ITGB2: variants seen among roughly 807,000 people sequenced by gnomAD.
ITGB2 encodes the protein integrin beta-2.
A neutral mutation model predicts 86.8 loss-of-function variants in ITGB2; 56 were observed. That is an observed-to-expected ratio of 0.65 (90% CI 0.52 to 0.81). ITGB2 has a LOEUF of 0.81. Ranked by LOEUF, ITGB2 falls within the 30% of genes least tolerant of loss-of-function variation. The pLI, the probability that ITGB2 is intolerant of heterozygous loss-of-function variation, is 0.00. For synonymous variants in ITGB2, 457 were observed against 450.4 expected, an observed-to-expected ratio of 1.01 and a Z score of -0.19; for missense variants, 948 against 1,061.2, an observed-to-expected ratio of 0.89 and a Z score of 1.48.
At chr21:44,900,278 G>A (rs1475516197) in intron 7 of ITGB2, 42 bp downstream of exon 7, 1 of 1,613,110 alleles carries the variant, frequency 6.2e-7, no homozygotes, top group East Asian at 2.2e-5. Flanking sequence ...CGTCAGTGGT[G>A]TCCTGCCAGG....
chr21:44,897,610 CTCGGGGTAAGGAAGGGCCTGGGGCG>C (rs1343990378), intron 8 of ITGB2, among the ~76,000 whole-genome samples: 1 of 152,212 alleles, frequency 6.6e-6, no homozygotes, highest in Non-Finnish European at 1.5e-5. Context: ...AAACTGAGGG[CTCGGGGTAAGGAAGGGCCTGGGGCG>C]TCCTGTGGTA....
chr21:44,889,991 G>A lies in ITGB2; in HGVS notation c.1644C>T (p.Val548=), dbSNP rs2146499793. The change falls in exon 12 of 16, where the codon GTC becomes GTT. Residue 548 remains valine, a synonymous_variant. Transcript: ENST00000652462. ...CCACGGGCTCACCCGGGCCGCCGCAGACCTGGCCGTTGTAGCGCTCACAGT... is the reference window on the plus strand; with the variant it reads ...CCACGGGCTCACCCGGGCCGCCGCAAACCTGGCCGTTGTAGCGCTCACAGT... ...TINCERYNGQ[V]CGGPGRGLCF... The A allele has an allele frequency of 5.0e-6, 8 of 1,613,284 alleles. No homozygotes were observed. The highest frequency in any genetic ancestry group is 6.8e-6 in the Non-Finnish European group (8 of 1,180,026).
rs567183378 is a variant in ITGB2 at position 44,895,574 on chromosome 21, G to T, written c.994-514C>A. On this transcript the variant is annotated intron_variant, in intron 8 of 15. Coordinates refer to ENST00000652462, the MANE Select transcript of ITGB2 (RefSeq NM_000211.5). ...AAAAAAACCCAGGCCAGGCATGATGGCTCACGCCTGTGATCCCAGCACTTT... is the reference window on the plus strand; with the variant it reads ...AAAAAAACCCAGGCCAGGCATGATGTCTCACGCCTGTGATCCCAGCACTTT... 3.4e-4 allele frequency among the ~76,000 whole-genome samples: 51 copies of T among 151,542 alleles called. 1 individual carries two copies. In the South Asian group the frequency reaches 1.0e-2, roughly 30 times the overall value.
Position 44,889,513 on chromosome 21 carries a change from A to G in ITGB2, c.1658-18T>C, listed in dbSNP as rs1259939944. ...CCCCCTCCCTGGAAGACGGGGCAGC[A>G]CGGCTAAGCTCCTGCTTGGCCTGGG... On this transcript the variant is annotated intron_variant, in intron 12 of 15. Transcript: ENST00000652462. The G allele has an allele frequency of 7.8e-6, 12 of 1,548,336 alleles. 1 individual carries two copies. Among genetic ancestry groups the G allele is most frequent in the Non-Finnish European group, 1.0e-5 (12 of 1,145,804 alleles).
At chr21:44,893,212 G>T in intron 10 of ITGB2, 192 bp downstream of exon 10, 3 of 619,646 alleles carry the variant, frequency 4.8e-6, no homozygotes. Context: ...AGTGGATGCT[G>T]CCTGCTCCCA....
chr21:44,903,289 G>A, intron 5 of ITGB2, 76 bp downstream of exon 5: 2 of 1,574,134 alleles, frequency 1.3e-6, no homozygotes, highest in Non-Finnish European at 1.7e-6. Flanking sequence ...AGTGCGAGGA[G>A]TTGTGTGGGC....
chr21:44,922,544 C>T (rs556905442), upstream of ITGB2, among the ~76,000 whole-genome samples: 27 of 151,156 alleles, frequency 1.8e-4, no homozygotes, highest in Non-Finnish European at 3.1e-4. Flanking sequence ...CATGGTAGCA[C>T]GCGATATGGT....
intron 1 of ITGB2, among the ~76,000 whole-genome samples, chr21:44,913,262 C>G (rs375830604): frequency 5.3e-5 from 8 of 152,234 alleles, no homozygotes; most frequent in African/African-American, 1.9e-4. Context: ...GCTCCACGCT[C>G]TCCCTGGGGC....
At chr21:44,894,448 A>C (rs1033222003) in intron 9 of ITGB2, 22 of 205,298 alleles carry the variant, frequency 1.1e-4, no homozygotes, top group Non-Finnish European at 2.0e-4. Context: ...ACCTATGCCC[A>C]CCAGGGCCAT....
chr21:44,902,630 A>T (rs1045389576), intron 5 of ITGB2, among the ~76,000 whole-genome samples: 2 of 150,874 alleles, frequency 1.3e-5, no homozygotes, highest in African/African-American at 2.4e-5. Context: ...TGTGCATGTG[A>T]GGATACATTC....
At position 44,899,076 on chromosome 21, in the gene ITGB2, C is replaced by T. The variant is rs1043321681; in HGVS notation, c.984G>A (p.Lys328=). ...PIFAVTSRMV[K]TYEKLTEIIP... The stretch of plus-strand genomic sequence containing the variant: ...ACCCAACAGCACTCACCTCGTAGGT[C>T]TTCACCATCCTACTGGTCACCGCGA... Residue 328 remains lysine, a synonymous_variant, in exon 8 of 16, where the codon AAG becomes AAA. Transcript: ENST00000652462. 19 of 1,613,516 alleles carry T rather than the reference C, an allele frequency of 1.2e-5. No individual in the cohort carries two copies. The highest frequency in any genetic ancestry group is 1.5e-5 in the Non-Finnish European group (18 of 1,179,524).
chr21:44,904,394 C>A (rs2084011606), intron 4 of ITGB2, among the ~76,000 whole-genome samples: 1 of 151,800 alleles, frequency 6.6e-6, no homozygotes, highest in Non-Finnish European at 1.5e-5. Context: ...ACACAATACT[C>A]ACACACAAAT....
In ITGB2 at chr21:44,888,807, G is replaced by A; in HGVS notation, c.1966C>T (p.Pro656Ser). The change falls in exon 14 of 16, where the codon CCC becomes TCC. Residue 656 changes from proline to serine, a missense_variant. By Grantham distance (74) the Pro-to-Ser change is moderately conservative. Coordinates refer to ENST00000652462, the MANE Select transcript of ITGB2 (RefSeq NM_000211.5). The part of the protein sequence containing the change: ...ACPGLQLSNN[P>S]VKGRTCKERD... ...TCCTTGCAGGTCCTGCCCTTCACGG[G>A]GTTGTTCGACAGCTGCAGGCCCGGA... 6.2e-7 allele frequency: 1 copy of A among 1,611,812 alleles called. No homozygotes were observed. Among genetic ancestry groups the A allele is most frequent in the South Asian group, 1.1e-5 (1 of 91,090 alleles).
rs1385080055 is a variant in ITGB2 at position 44,900,307 on chromosome 21, G to A, written c.897+13C>T. On this transcript the variant is annotated intron_variant, in intron 7 of 15. Transcript: ENST00000652462. ...TGCCAGGCGGTGCCTGGGTGCCTGG[G>A]GTGGGGACTTACGAATTCGTTGCTC... 1 of 1,614,190 alleles carries A rather than the reference G, an allele frequency of 6.2e-7. No homozygotes were observed. The highest frequency in any genetic ancestry group is 1.7e-5 in the Admixed American group (1 of 60,030).
chr21:44,900,273 G>T (rs374301511), intron 7 of ITGB2, 47 bp downstream of exon 7: 882 of 1,611,770 alleles, frequency 5.5e-4, no homozygotes, highest in Non-Finnish European at 7.2e-4. Flanking sequence ...TCCTCCGTCA[G>T]TGGTGTCCTG....
Position 44,903,389 on chromosome 21 carries a change from C to G in ITGB2, c.475G>C (p.Glu159Gln). ...CCAATGCGGCCGGACTCGGTGATCT[C>G]GTTGAGGGCCCGGAGCAGGTCGCCA... ...LGGDLLRALN[E>Q]ITESGRIGFG... Residue 159 changes from glutamate to glutamine, a missense_variant, in exon 5 of 16, where the codon GAG (glutamate) becomes CAG (glutamine). Coordinates refer to ENST00000652462, the MANE Select transcript of ITGB2 (RefSeq NM_000211.5). 1 of 1,614,094 alleles carries G rather than the reference C, an allele frequency of 6.2e-7. No individual in the cohort carries two copies. The highest frequency in any genetic ancestry group is 8.5e-7 in the Non-Finnish European group (1 of 1,179,972).
At chr21:44,925,625 C>T (rs2084363631), upstream of ITGB2, among the ~76,000 whole-genome samples, 1 of 152,124 alleles carries the variant, frequency 6.6e-6, no homozygotes, top group Admixed American at 6.6e-5. Context: ...TTAGTAGAAT[C>T]CAGAGTCTTA....
intron 11 of ITGB2, among the ~76,000 whole-genome samples, chr21:44,891,143 C>A (rs750312920): frequency 6.6e-6 from 1 of 152,208 alleles, no homozygotes; most frequent in African/African-American, 2.4e-5. Flanking sequence ...TCTGGCCAGG[C>A]AAGCAAGGAA....
intron 8 of ITGB2, 23 bp downstream of exon 8, chr21:44,899,044 G>A (rs1410766269): frequency 1.6e-5 from 26 of 1,581,406 alleles, no homozygotes; most frequent in Non-Finnish European, 2.1e-5. Flanking sequence ...CCCAATGGAT[G>A]CTCGGGACCC....
Sources: allele counts gnomAD v4.1 joint callset (sites outside exome capture counted in the v4.1 genomes callset), GRCh38; gene constraint gnomAD v4.1.1; transcripts MANE v1.5; gene names NCBI Gene and HGNC (gene_info 2026-07-23, HGNC 2026-07-21).